The following POLR2B variants were observed in gnomAD, a reference collection of about 807,000 sequenced individuals.
The protein encoded by POLR2B is DNA-directed RNA polymerase II subunit RPB2.
In POLR2B, 57 loss-of-function variants were observed where a neutral mutation model predicts 144.6. The observed-to-expected ratio is 0.39, with a 90% CI of 0.32 to 0.49. The LOEUF is 0.49. Among genes scored for constraint, POLR2B ranks in the 20% least tolerant of loss-of-function variants. POLR2B has a pLI of 0.83. For synonymous variants in POLR2B, 442 were observed against 469.8 expected (o/e 0.94, Z 0.77); for missense variants, 595 against 1,467.4 (o/e 0.41, Z 9.71).
intron 1 of POLR2B, among the ~76,000 whole-genome samples, chr4:56,981,782 C>T (rs1241129443): frequency 6.6e-6 from 1 of 152,198 alleles, no homozygotes; most frequent in African/African-American, 2.4e-5. Flanking sequence ...AATAAGCTGT[C>T]CTTGTTTCTA....
At chr4:56,998,908 A>G (rs917213652) in intron 6 of POLR2B, among the ~76,000 whole-genome samples, 1 of 152,210 alleles carries the variant, frequency 6.6e-6, no homozygotes, top group African/African-American at 2.4e-5. Flanking sequence ...GACAGAAGTT[A>G]TTAGAGGGAT....
In POLR2B at chr4:57,023,274, G is replaced by A. The variant is rs1268302003; in HGVS notation, c.2516-56G>A. 2 of 1,582,184 alleles carry A rather than the reference G, an allele frequency of 1.3e-6. No individual in the cohort carries two copies. The highest frequency in any genetic ancestry group is 2.7e-5 in the African/African-American group (2 of 74,288). On this transcript the variant is annotated intron_variant, in intron 18 of 24. Coordinates refer to ENST00000314595, the MANE Select transcript of POLR2B (RefSeq NM_000938.3). This position sits in a 1 kb window ranked among gnomAD's most constrained non-coding sequence, Gnocchi z 4.3. ...TCTGACTTGGAACTGATTCATGTAT[G>A]TGGTTTTTAATCTTTGTTGGGGATT...
chr4:57,031,038 C>T lies in POLR2B; in HGVS notation c.*50C>T, dbSNP rs746075962. 16 of 1,137,734 alleles carry T rather than the reference C, an allele frequency of 1.4e-5. No individual in the cohort carries two copies. Among genetic ancestry groups the T allele is most frequent in the Non-Finnish European group, 1.3e-6 (1 of 747,214 alleles). The allele number at this position is 1,137,734 out of a possible 1,614,324, so 70.5% of individuals were successfully genotyped here. A position where few individuals can be genotyped will look rare whatever the true frequency, so the allele number is the denominator to read the frequency against. ...AATTAAATATCTTGGTGTCTTGTTT[C>T]TATTGTGTGGCTTTTTAAAAATGAC... On this transcript the variant is annotated 3_prime_UTR_variant, in exon 25 of 25. Coordinates refer to ENST00000314595, the MANE Select transcript of POLR2B (RefSeq NM_000938.3).
chr4:57,008,346 G>C (rs1468068131), intron 10 of POLR2B, among the ~76,000 whole-genome samples: 6 of 152,108 alleles, frequency 3.9e-5, no homozygotes, highest in Admixed American at 1.3e-4. Flanking sequence ...GGGACTACAG[G>C]CGCCCGCCAC....
chr4:57,007,558 A>G (rs2109685917), intron 10 of POLR2B, among the ~76,000 whole-genome samples: 1 of 152,336 alleles, frequency 6.6e-6, no homozygotes, highest in South Asian at 2.1e-4. Flanking sequence ...GTAGCTGCTT[A>G]GTGGGTGAGA....
chr4:56,989,794 C>G (rs915840702), intron 2 of POLR2B, among the ~76,000 whole-genome samples: 1 of 152,166 alleles, frequency 6.6e-6, no homozygotes, highest in Non-Finnish European at 1.5e-5. Context: ...TGATGCCCAG[C>G]TTTGCAGCTG....
In POLR2B at chr4:56,986,418, T is replaced by C. The variant is rs1049978765; in HGVS notation, c.84T>C (p.Ile28=). 2 of 1,608,326 alleles carry C rather than the reference T, an allele frequency of 1.2e-6. No individual in the cohort carries two copies. The highest frequency in any genetic ancestry group is 1.7e-6 in the Non-Finnish European group (2 of 1,174,852). The change falls in exon 2 of 25, where the codon ATT becomes ATC. Residue 28 remains isoleucine (I), a synonymous_variant. Transcript: ENST00000314595. ...TPDLWQEACW[I]VISSYFDEKG... ...ATTTGTGGCAAGAAGCATGCTGGAT[T>C]GTAATCAGGTAACTTTGGACCAAAC...
At chr4:56,981,721 C>T (rs1292268783) in intron 1 of POLR2B, among the ~76,000 whole-genome samples, 2 of 152,176 alleles carry the variant, frequency 1.3e-5, no homozygotes, top group African/African-American at 2.4e-5. Context: ...TTACCTTTTT[C>T]TTCTAGTATT....
In POLR2B at chr4:57,010,516, G is replaced by T; in HGVS notation, c.1548+12G>T. 6.2e-7 allele frequency: 1 copy of T among 1,603,806 alleles called. No individual in the cohort carries two copies. Among genetic ancestry groups the T allele is most frequent in the South Asian group, 1.1e-5 (1 of 88,782 alleles). On this transcript the variant is annotated intron_variant, in intron 11 of 24. Transcript: ENST00000314595. ...CCGAGACCCCAGAGGTAATACATTAGAATTTACATTCAGGACAAAAAGTCA... is the reference window on the plus strand; with the variant it reads ...CCGAGACCCCAGAGGTAATACATTATAATTTACATTCAGGACAAAAAGTCA...
In POLR2B at chr4:57,006,834, T is replaced by C. The variant is rs757760908; in HGVS notation, c.1236T>C (p.Leu412=). The C allele has an allele frequency of 3.1e-6, 5 of 1,612,704 alleles. No individual in the cohort carries two copies. The East Asian group carries it at 1.1e-4, about 36-fold the overall frequency. The part of the protein sequence containing the change: ...FLFRGMFKNL[L]KEVRIYAQKF... Reference sequence around the variant, plus strand: ...TCGGCAGTATGTTTAAGAATTTGCTTAAAGAAGTGCGGATCTATGCACAGA... The same window carrying C: ...TCGGCAGTATGTTTAAGAATTTGCTCAAAGAAGTGCGGATCTATGCACAGA... The change falls in exon 10 of 25, where the codon CTT becomes CTC. Residue 412 remains leucine, a synonymous_variant. Transcript: ENST00000314595.
In POLR2B at chr4:57,006,914, T is replaced by A; in HGVS notation, c.1316T>A (p.Ile439Asn). The change falls in exon 10 of 25, where the codon ATC becomes AAC. Residue 439 changes from isoleucine (I) to asparagine (N), a missense_variant. Coordinates refer to ENST00000314595, the MANE Select transcript of POLR2B (RefSeq NM_000938.3). ...TTGGAGTTGGCAATTAAAACACGGA[T>A]CATATCTGATGGCCTAAAATACTCT... is the stretch of plus-strand genomic sequence containing the variant. ...FNLELAIKTR[I>N]ISDGLKYSLA... 1 of 1,613,250 alleles carries A rather than the reference T, an allele frequency of 6.2e-7. No homozygotes were observed. The highest frequency in any genetic ancestry group is 8.5e-7 in the Non-Finnish European group (1 of 1,179,258).
At chr4:57,026,962 T>G (rs1007215822) in intron 23 of POLR2B, among the ~76,000 whole-genome samples, 1 of 152,124 alleles carries the variant, frequency 6.6e-6, no homozygotes, top group Non-Finnish European at 1.5e-5. Context: ...TTTAAGTATA[T>G]GAGGAAGTTC....
rs749781721 is a variant in POLR2B at position 57,017,011 on chromosome 4, G to A, written c.1956-32G>A. 4.3e-6 allele frequency: 6 copies of A among 1,408,096 alleles called. No individual in the cohort carries two copies. In the South Asian group the frequency reaches 7.0e-5, roughly 16 times the overall value. 87.2% of individuals were successfully genotyped at this position (1,408,096 alleles called of 1,614,324 possible). On this transcript the variant is annotated intron_variant, in intron 14 of 24. Coordinates refer to ENST00000314595, the MANE Select transcript of POLR2B (RefSeq NM_000938.3). The surrounding 1 kb of genome is among the most constrained non-coding windows in gnomAD (Gnocchi z 4.8). The stretch of plus-strand genomic sequence containing the variant: ...AGGAATAGTTAGTTAAAATACTTGA[G>A]GAAGTAGAAAATTGAGTGAATTCTT...
At position 57,005,608 on chromosome 4, in the gene POLR2B, T is replaced by C; in HGVS notation, c.1106T>C (p.Val369Ala). ...TKKAYFLGYM[V>A]HRLLLAALGR... is the part of the protein sequence containing the mutation. ...TTTTTTTTTTTTTAAAGATACATGG[T>C]TCATAGGTTACTTCTGGCAGCTTTG... is the stretch of plus-strand genomic sequence containing the variant. Residue 369 changes from valine to alanine, a missense_variant, in exon 9 of 25, where the codon GTT becomes GCT. Physicochemically the swap from Val to Ala is moderately conservative, Grantham distance 64 (BLOSUM62 0). Around this residue, in one of 9 missense-constraint regions of POLR2B, gnomAD observed 251 missense variants for 567.3 expected, o/e 0.44. Coordinates refer to ENST00000314595, the MANE Select transcript of POLR2B (RefSeq NM_000938.3). 6.2e-7 allele frequency: 1 copy of C among 1,603,372 alleles called. No individual in the cohort carries two copies. Among genetic ancestry groups the C allele is most frequent in the Non-Finnish European group, 8.5e-7 (1 of 1,174,750 alleles).
chr4:56,992,689 T>A (rs28570076), intron 3 of POLR2B, among the ~76,000 whole-genome samples: 149,878 of 149,878 alleles, frequency 1, 74,939 homozygotes, highest in Non-Finnish European at 1. Flanking sequence ...CTTTTTGAGT[T>A]GCTGGGACTA....
chr4:57,008,492 G>A (rs1723093419), intron 10 of POLR2B, among the ~76,000 whole-genome samples: 1 of 152,154 alleles, frequency 6.6e-6, no homozygotes, highest in South Asian at 2.1e-4. Context: ...GTGAGCCACC[G>A]TGCCTGGCCC....
At chr4:57,028,562 C>G (rs998070819) in intron 23 of POLR2B, among the ~76,000 whole-genome samples, 26 of 152,114 alleles carry the variant, frequency 1.7e-4, no homozygotes, top group Admixed American at 1.1e-3. Context: ...GCTTTTCTCC[C>G]CTTCACTTGA....
chr4:57,024,007 T>G lies in POLR2B; in HGVS notation c.2859T>G (p.Asp953Glu). The change falls in exon 21 of 25, where the codon GAT (aspartate) becomes GAG (glutamate). Residue 953 changes from aspartate to glutamate, a missense_variant and splice_region_variant. This residue lies in a region of POLR2B where 65 missense variants were observed against 282.8 expected (regional missense o/e 0.23). Coordinates refer to ENST00000314595, the MANE Select transcript of POLR2B (RefSeq NM_000938.3). ...CCTTTTAAAATTTTTCTTTGTAGGATATGCCTTTCACCTGTGAAGGTATCA... is the reference window on the plus strand; with the variant it reads ...CCTTTTAAAATTTTTCTTTGTAGGAGATGCCTTTCACCTGTGAAGGTATCA... ...GTCGIQYRQE[D>E]MPFTCEGITP... 6.4e-7 allele frequency: 1 copy of G among 1,555,316 alleles called. No homozygotes were observed. Among genetic ancestry groups the G allele is most frequent in the South Asian group, 1.2e-5 (1 of 84,244 alleles).
rs1723161491 is a variant in POLR2B at position 57,010,620 on chromosome 4, T to G, written c.1548+116T>G. ...ATGCAGAGTGGTTTAGAAATAAGTT[T>G]TTTTTATAATTGTATTCTTAGAAAG... On this transcript the variant is annotated intron_variant, in intron 11 of 24. Coordinates refer to ENST00000314595, the MANE Select transcript of POLR2B (RefSeq NM_000938.3). 4.4e-6 allele frequency: 6 copies of G among 1,351,680 alleles called. No homozygotes were observed. The South Asian group carries it at 8.7e-5, about 20-fold the overall frequency. The allele number at this position is 1,351,680 out of a possible 1,614,324, so 83.7% of individuals were successfully genotyped here.
Sources: allele counts gnomAD v4.1 joint callset (sites outside exome capture counted in the v4.1 genomes callset), GRCh38; gene constraint gnomAD v4.1.1; regional missense constraint gnomAD v4.1.1; non-coding constraint Gnocchi (gnomAD v3.1); transcripts MANE v1.5; gene names NCBI Gene and HGNC (gene_info 2026-07-23, HGNC 2026-07-21).